Variants in FTO observed in about 807,000 individuals in gnomAD.
FTO encodes the protein FTO alpha-ketoglutarate dependent dioxygenase.
A neutral mutation model predicts 63.9 loss-of-function variants in FTO; 47 were observed. The observed-to-expected ratio is 0.74, with a 90% confidence interval of 0.58 to 0.94. The LOEUF (loss-of-function observed/expected upper bound fraction) is 0.94. Among genes scored for constraint, FTO ranks in the 40% least tolerant of loss-of-function variants. The pLI is 0.00. For missense variants in FTO, 562 were observed against 618.1 expected (o/e 0.91, Z 0.96); for synonymous variants, 207 against 224.4 (o/e 0.92, Z 0.69).
chr16:53,977,054 C>T (rs1040669992), intron 8 of FTO, among the ~76,000 whole-genome samples: 1 of 151,900 alleles, frequency 6.6e-6, no homozygotes, highest in Non-Finnish European at 1.5e-5. Context: ...TAATAGGCAC[C>T]CTTTGATTTT....
At chr16:53,990,433 G>A (rs1481968788) in intron 8 of FTO, among the ~76,000 whole-genome samples, 1 of 152,062 alleles carries the variant, frequency 6.6e-6, no homozygotes, top group Non-Finnish European at 1.5e-5. Flanking sequence ...CCTGCCTTGT[G>A]GTGTAGTTTC....
intron 8 of FTO, chr16:54,034,059 T>G (rs1293064546): frequency 1.3e-5 from 2 of 152,224 alleles, no homozygotes; most frequent in East Asian, 3.9e-4. Context: ...GGGCCCACTG[T>G]CACTTCGGGA....
intron 8 of FTO, among the ~76,000 whole-genome samples, chr16:53,980,983 T>C (rs1211354723): frequency 6.6e-6 from 1 of 152,172 alleles, no homozygotes; most frequent in African/African-American, 2.4e-5. Context: ...AGAGATAACA[T>C]GGGTTCTCCA....
At chr16:53,917,832 C>T (rs1275998396) in intron 7 of FTO, among the ~76,000 whole-genome samples, 2 of 151,632 alleles carry the variant, frequency 1.3e-5, no homozygotes, top group Non-Finnish European at 2.9e-5. Flanking sequence ...TAGACAGTGG[C>T]GTTTAGGCAG....
intron 8 of FTO, among the ~76,000 whole-genome samples, chr16:54,019,732 AC>A (rs2084543504): frequency 6.6e-6 from 1 of 152,208 alleles, no homozygotes; most frequent in African/African-American, 2.4e-5. Flanking sequence ...CATCCAGGAT[AC>A]CATTGTTAGG....
intron 3 of FTO, among the ~76,000 whole-genome samples, chr16:53,833,359 A>G (rs955651124): frequency 6.6e-6 from 1 of 152,230 alleles, no homozygotes; most frequent in Non-Finnish European, 1.5e-5. Context: ...CATCCATGTT[A>G]TGGCATGTAT....
At chr16:53,907,856 C>A (rs1303792754) in intron 7 of FTO, among the ~76,000 whole-genome samples, 1 of 152,174 alleles carries the variant, frequency 6.6e-6, no homozygotes, top group East Asian at 1.9e-4. Flanking sequence ...TCCAGACTCC[C>A]TTGATCTGTC....
chr16:53,930,834 C>T (rs1296882277), intron 7 of FTO, among the ~76,000 whole-genome samples: 1 of 152,162 alleles, frequency 6.6e-6, no homozygotes, highest in Non-Finnish European at 1.5e-5. Context: ...TGATAAAGCA[C>T]ATAACTATTT....
rs1214423036 is a variant in FTO, at chr16:53,966,881, T to C, written c.1364+32772T>C. Among the ~76,000 whole-genome samples the C allele has an allele frequency of 2.0e-5, 3 of 152,248 alleles. No homozygotes were observed. The East Asian group carries it at 5.8e-4, about 29-fold the overall frequency. On this transcript the variant is annotated intron_variant, in intron 8 of 8. Transcript: ENST00000471389. Reference sequence around the variant, plus strand: ...TCCCCGAAAGCCAGCCAGGAAAACGTATGATACCATTTGCAATGGTAGAAT... The same window carrying C: ...TCCCCGAAAGCCAGCCAGGAAAACGCATGATACCATTTGCAATGGTAGAAT...
At chr16:54,074,118 T>C (rs1387168630) in intron 8 of FTO, among the ~76,000 whole-genome samples, 1 of 152,120 alleles carries the variant, frequency 6.6e-6, no homozygotes, top group Non-Finnish European at 1.5e-5. Flanking sequence ...ATTTCAATAC[T>C]TCTGTGAAAT....
In FTO at chr16:53,734,035, C is replaced by G. The variant is rs1268231343; in HGVS notation, c.45+29806C>G. Among the ~76,000 whole-genome samples the G allele has an allele frequency of 5.3e-5, 8 of 152,314 alleles. No homozygotes were observed. The East Asian group carries it at 1.5e-3, about 29-fold the overall frequency. ...GAAATTCAACTCTCATTTGAATCAA[C>G]TCATGACAAAACGTATTTACAAAGT... is the stretch of plus-strand genomic sequence containing the variant. On this transcript the variant is annotated intron_variant, in intron 1 of 8. Coordinates refer to ENST00000471389, the MANE Select transcript of FTO (RefSeq NM_001080432.3).
intron 8 of FTO, among the ~76,000 whole-genome samples, chr16:53,980,884 G>A (rs1196362649): frequency 1.3e-5 from 2 of 152,140 alleles, no homozygotes; most frequent in African/African-American, 4.8e-5. Context: ...AAAACCACTT[G>A]CTGATACAGT....
chr16:54,078,129 C>T (rs2086045968), intron 8 of FTO, among the ~76,000 whole-genome samples: 1 of 151,960 alleles, frequency 6.6e-6, no homozygotes, highest in South Asian at 2.1e-4. Context: ...AAAATCCTTC[C>T]TAACAAAATC....
intron 4 of FTO, among the ~76,000 whole-genome samples, chr16:53,871,050 T>C (rs1013649665): frequency 3.3e-5 from 5 of 152,184 alleles, no homozygotes; most frequent in Non-Finnish European, 5.9e-5. Flanking sequence ...TGTCCCTCTG[T>C]ATTTAATGTC....
chr16:54,053,470 C>T (rs1181532826), intron 8 of FTO, among the ~76,000 whole-genome samples: 3 of 152,092 alleles, frequency 2.0e-5, no homozygotes, highest in Non-Finnish European at 2.9e-5. Context: ...TTACAGAAGC[C>T]GAACTGCTCT....
chr16:53,996,239 G>C (rs1372082449), intron 8 of FTO, among the ~76,000 whole-genome samples: 6 of 152,180 alleles, frequency 3.9e-5, no homozygotes. Context: ...TTTGCTGCTT[G>C]AAACAGGACA....
At chr16:54,031,134 G>A (rs1301851869) in intron 8 of FTO, among the ~76,000 whole-genome samples, 1 of 152,216 alleles carries the variant, frequency 6.6e-6, no homozygotes, top group Non-Finnish European at 1.5e-5. Context: ...CACAGAGCCA[G>A]GAGAGGTAAT....
intron 8 of FTO, among the ~76,000 whole-genome samples, chr16:54,101,868 A>C (rs1012919108): frequency 6.6e-6 from 1 of 152,172 alleles, no homozygotes; most frequent in Non-Finnish European, 1.5e-5. Context: ...GACTGGTGTG[A>C]GATGATATCT....
intron 4 of FTO, among the ~76,000 whole-genome samples, chr16:53,860,270 T>C (rs2080132240): frequency 6.6e-6 from 1 of 152,218 alleles, no homozygotes; most frequent in South Asian, 2.1e-4. Context: ...CTAACAATGT[T>C]ATACTCATAA....
Sources: allele counts gnomAD v4.1 joint callset (sites outside exome capture counted in the v4.1 genomes callset), GRCh38; gene constraint gnomAD v4.1.1; transcripts MANE v1.5; gene names NCBI Gene and HGNC (gene_info 2026-07-23, HGNC 2026-07-21).